Variants in RRBP1 observed in about 807,000 individuals in gnomAD.
RRBP1 encodes the protein ribosome binding protein 1, also known as ribosome-binding protein 1.
Under a neutral mutation model 165.2 loss-of-function variants are expected in RRBP1, and 94 were observed. That is an observed-to-expected ratio of 0.57 (90% CI 0.48 to 0.68). The LOEUF (loss-of-function observed/expected upper bound fraction) is 0.68. Ranked by LOEUF, RRBP1 falls within the 30% of genes least tolerant of loss-of-function variation. The pLI is 0.00. For missense variants in RRBP1, 1,676 were observed against 1,763.0 expected, an observed-to-expected ratio of 0.95 and a Z score of 0.88; for synonymous variants, 680 against 714.5, an observed-to-expected ratio of 0.95 and a Z score of 0.77.
At chr20:17,666,619 G>C (rs1329560028) in intron 2 of RRBP1, among the ~76,000 whole-genome samples, 4 of 152,082 alleles carry the variant, frequency 2.6e-5, no homozygotes, top group African/African-American at 4.8e-5. Context: ...ATTGTTTCTT[G>C]CTTTCCAAAC....
chr20:17,672,673 T>C (rs1482659187), intron 2 of RRBP1, among the ~76,000 whole-genome samples: 1 of 152,230 alleles, frequency 6.6e-6, no homozygotes, highest in Non-Finnish European at 1.5e-5. Flanking sequence ...CTCCTAGGTA[T>C]ACAGACCCAA....
At chr20:17,631,198 C>T (rs1454811182) in intron 8 of RRBP1, among the ~76,000 whole-genome samples, 6 of 152,256 alleles carry the variant, frequency 3.9e-5, no homozygotes, top group East Asian at 3.9e-4. Flanking sequence ...CCAGGTGTCC[C>T]GGGCAGGAGC....
chr20:17,658,745 T>C lies in RRBP1; in HGVS notation c.1763A>G (p.Lys588Arg). The C allele has an allele frequency of 6.2e-7, 1 of 1,612,856 alleles. No individual in the cohort carries two copies. The highest frequency in any genetic ancestry group is 8.5e-7 in the Non-Finnish European group (1 of 1,178,796). ...KKAEGSPNQGKKADAAANQGK... is the reference protein window; with the variant it reads ...KKAEGSPNQGRKADAAANQGK... ...CTGATTGGCAGCTGCGTCTGCCTTT[T>C]TGCCTTGGTTGGGGGACCCTTCTGC... Residue 588 changes from lysine (K) to arginine (R), a missense_variant, in exon 3 of 25, where the codon AAA (lysine) becomes AGA (arginine). Lys to Arg is a conservative substitution (Grantham distance 26, BLOSUM62 2). Transcript: ENST00000377813.
intron 9 of RRBP1, among the ~76,000 whole-genome samples, chr20:17,629,338 G>A (rs918098116): frequency 3.3e-5 from 5 of 152,304 alleles, no homozygotes; most frequent in East Asian, 3.9e-4. Context: ...TTCCATGATC[G>A]ACTGCAGCAA....
rs1600722650 is a variant in RRBP1 at position 17,616,653 on chromosome 20, T to C, written c.3867+79A>G. The C allele has an allele frequency of 3.2e-6, 3 of 948,736 alleles. No individual in the cohort carries two copies. In the East Asian group the frequency reaches 7.6e-5, roughly 24 times the overall value. 58.8% of individuals were successfully genotyped at this position (948,736 alleles called of 1,614,324 possible). A position where few individuals can be genotyped will look rare whatever the true frequency, so the allele number is the denominator to read the frequency against. On this transcript the variant is annotated intron_variant, in intron 21 of 24. Transcript: ENST00000377813. ...GGAGGCTGGAGCAGCCAGTGCGGGGTTTAGTCCGAACGGAGGCAGCAGGGC... is the reference window on the plus strand; with the variant it reads ...GGAGGCTGGAGCAGCCAGTGCGGGGCTTAGTCCGAACGGAGGCAGCAGGGC...
rs539027732 is a variant in RRBP1, at chr20:17,613,919, A to T, written c.*263T>A. 1.7e-3 allele frequency: 784 copies of T among 459,386 alleles called. 1 individual carries two copies. The highest frequency in any genetic ancestry group is 2.7e-3 in the Non-Finnish European group (686 of 253,996). 28.5% of individuals were successfully genotyped at this position (459,386 alleles called of 1,614,324 possible). A position where few individuals can be genotyped will look rare whatever the true frequency, so the allele number is the denominator to read the frequency against. Reference sequence around the variant, plus strand: ...ACACACCCACGGGGCTGTCAGAGTCAACCAGGGCTTTGGCGTCACTCGGCG... The same window carrying T: ...ACACACCCACGGGGCTGTCAGAGTCTACCAGGGCTTTGGCGTCACTCGGCG... On this transcript the variant is annotated 3_prime_UTR_variant, in exon 25 of 25. Transcript: ENST00000377813.
intron 12 of RRBP1, among the ~76,000 whole-genome samples, chr20:17,625,006 C>T (rs1465230705): frequency 6.6e-6 from 1 of 152,184 alleles, no homozygotes; most frequent in Non-Finnish European, 1.5e-5. Flanking sequence ...ATCCCTTGGG[C>T]CAGCTCTGGC....
chr20:17,658,828 T>A lies in RRBP1; in HGVS notation c.1680A>T (p.Val560=). Residue 560 remains valine (V), a synonymous_variant, in exon 3 of 25, where the codon GTA becomes GTT. Transcript: ENST00000377813. ...TTTTCCCCTGGTTTGTAATACCCTCTACCTTTGTGCCCTGATTAGCAACCG... is the reference window on the plus strand; with the variant it reads ...TTTTCCCCTGGTTTGTAATACCCTCAACCTTTGTGCCCTGATTAGCAACCG... ...ADSVANQGTK[V]EGITNQGKKA... 1 of 1,614,048 alleles carries A rather than the reference T, an allele frequency of 6.2e-7. No individual in the cohort carries two copies. Among genetic ancestry groups the A allele is most frequent in the Non-Finnish European group, 8.5e-7 (1 of 1,179,898 alleles).
rs35586556 is a variant in RRBP1, at chr20:17,614,069, GC to G, written c.*112del. ...CTTGTCTCTCATGGCTTCTCTCGGA[GC>G]TACCGGAAGTTGGGCCTGGATAACG... On this transcript the variant is annotated 3_prime_UTR_variant, in exon 25 of 25. Coordinates refer to ENST00000377813, the MANE Select transcript of RRBP1 (RefSeq NM_001365613.2). 0.69 allele frequency: 717,597 copies of G among 1,040,114 alleles called. 261,457 individuals carry two copies. The highest frequency in any genetic ancestry group is 0.76 in the Non-Finnish European group (507,228 of 666,748). The allele number at this position is 1,040,114 out of a possible 1,614,324, so 64.4% of individuals were successfully genotyped here. A position where few individuals can be genotyped will look rare whatever the true frequency, so the allele number is the denominator to read the frequency against.
chr20:17,669,557 G>A (rs1303273562), intron 2 of RRBP1, among the ~76,000 whole-genome samples: 1 of 152,150 alleles, frequency 6.6e-6, no homozygotes, highest in African/African-American at 2.4e-5. Context: ...TGAATCAATC[G>A]TCTACTCAAT....
intron 20 of RRBP1, among the ~76,000 whole-genome samples, chr20:17,617,084 G>A (rs980544839): frequency 4.6e-5 from 7 of 152,214 alleles, no homozygotes; most frequent in African/African-American, 1.2e-4. Flanking sequence ...AACCGGAGGG[G>A]AGCCCTCCCT....
intron 17 of RRBP1, 154 bp from the exon 18 acceptor site, chr20:17,620,524 C>A: frequency 1.2e-6 from 1 of 833,100 alleles, no homozygotes. Flanking sequence ...CGCCATCTGG[C>A]AGTGTCTTCC....
intron 21 of RRBP1, among the ~76,000 whole-genome samples, 154 bp downstream of exon 21, chr20:17,616,578 G>A (rs562758639): frequency 9.2e-5 from 14 of 152,280 alleles, no homozygotes; most frequent in East Asian, 1.9e-4. Flanking sequence ...GGCTTTCTCC[G>A]AACCTGGATG....
At chr20:17,675,482 A>C (rs777397778) in intron 2 of RRBP1, among the ~76,000 whole-genome samples, 1 of 146,498 alleles carries the variant, frequency 6.8e-6, no homozygotes, top group African/African-American at 2.5e-5. Flanking sequence ...GGAGATGACA[A>C]AGTCAGTCAA....
At position 17,653,302 on chromosome 20, in the gene RRBP1, C is replaced by G. The variant is rs555193077; in HGVS notation, c.1912+5294G>C. On this transcript the variant is annotated intron_variant, in intron 3 of 24. Coordinates refer to ENST00000377813, the MANE Select transcript of RRBP1 (RefSeq NM_001365613.2). The stretch of plus-strand genomic sequence containing the variant: ...ACCCAGGGCCTCTGTCCTTTACAGT[C>G]AGAGCTGCAAAGCAGCTGGGAGCTA... Among the ~76,000 whole-genome samples, 7 of 152,366 alleles carry G rather than the reference C, an allele frequency of 4.6e-5. No individual in the cohort carries two copies. The East Asian group carries it at 1.4e-3, about 29-fold the overall frequency.
At chr20:17,635,504 A>G (rs1292410840) in intron 7 of RRBP1, 42 bp downstream of exon 7, 1 of 1,438,610 alleles carries the variant, frequency 7.0e-7, no homozygotes, top group South Asian at 1.2e-5. Flanking sequence ...TCCTCGCTCC[A>G]GGGCCCTTGG....
chr20:17,679,982 AG>A lies in RRBP1; in HGVS notation c.-22+16del, dbSNP rs1357683868. 1 of 152,262 alleles carries A rather than the reference AG, an allele frequency of 6.6e-6. No homozygotes were observed. The highest frequency in any genetic ancestry group is 1.5e-5 in the Non-Finnish European group (1 of 68,068). 9.4% of individuals were successfully genotyped at this position (152,262 alleles called of 1,614,324 possible). On this transcript the variant is annotated intron_variant, in intron 2 of 24. Transcript: ENST00000377813. ...CCGGCTTTGCGGTGCTCCATGTAAAAGGAAAACTTCACCTACTAGGAGGTCT... is the reference window on the plus strand; with the variant it reads ...CCGGCTTTGCGGTGCTCCATGTAAAAGAAAACTTCACCTACTAGGAGGTCT...
rs547084609 is a variant in RRBP1 at position 17,614,620 on chromosome 20, A to C, written c.4194+117T>G. 57 of 1,338,190 alleles carry C rather than the reference A, an allele frequency of 4.3e-5. 2 individuals carry two copies. In the African/African-American group the frequency reaches 6.1e-4, roughly 14 times the overall value. The allele number at this position is 1,338,190 out of a possible 1,614,324, so 82.9% of individuals were successfully genotyped here. On this transcript the variant is annotated intron_variant, in intron 24 of 24. Transcript: ENST00000377813. ...CAGCTCTGCCTCCCCTGGGGCTCCC[A>C]GCCCAGCGCTCCCAGCAGCTTGACG...
At position 17,625,607 on chromosome 20, in the gene RRBP1, A is replaced by C; in HGVS notation, c.2964-5T>G. The stretch of plus-strand genomic sequence containing the variant: ...TGGGACTCCAGCTCCTTGAGGCTGA[A>C]GGGACACAACGAGGTCACCGCCTAG... On this transcript the variant is annotated splice_polypyrimidine_tract_variant and splice_region_variant and intron_variant, in intron 11 of 24. Coordinates refer to ENST00000377813, the MANE Select transcript of RRBP1 (RefSeq NM_001365613.2). The C allele has an allele frequency of 6.2e-7, 1 of 1,613,354 alleles. No individual in the cohort carries two copies. Among genetic ancestry groups the C allele is most frequent in the Non-Finnish European group, 8.5e-7 (1 of 1,179,468 alleles).
Sources: gnomAD v4.1 joint callset for allele counts (sites outside exome capture counted in the v4.1 genomes callset) on GRCh38, gnomAD v4.1.1 for gene constraint, MANE v1.5 for transcripts, NCBI Gene and HGNC (gene_info 2026-07-23, HGNC 2026-07-21) for gene names.